MEIS2: variants seen among roughly 807,000 people sequenced by gnomAD.
MEIS2 encodes Meis homeobox 2.
MEIS2 carries 9 observed loss-of-function variants against 58.6 expected under a neutral mutation model. The observed-to-expected ratio is 0.15, with a 90% CI of 0.09 to 0.27. The LOEUF (loss-of-function observed/expected upper bound fraction) is 0.27, where lower values mean the gene tolerates loss of function less well. MEIS2 is among the 10% of genes least tolerant of loss of function. The probability of loss-of-function intolerance (pLI) is 1.00; values close to 1 mark genes in which losing one functional copy is unlikely to be tolerated. For missense variants in MEIS2, 427 were observed against 635.0 expected (o/e 0.67, Z 3.52); for synonymous variants, 221 against 228.4 (o/e 0.97, Z 0.29).
chr15:36,894,807 T>C lies in MEIS2; in HGVS notation c.1147+344A>G, dbSNP rs201131653. 2 of 1,611,402 alleles carry C rather than the reference T, an allele frequency of 1.2e-6. No individual in the cohort carries two copies. The highest frequency in any genetic ancestry group is 1.7e-6 in the Non-Finnish European group (2 of 1,177,614). ...CCCATATTCATGCCCATTCCACTCA[T>C]AGGTCCTAGAAAGGAGATAAAATCC... On this transcript the variant is annotated intron_variant, in intron 11 of 11. Transcript: ENST00000561208.
intron 9 of MEIS2, among the ~76,000 whole-genome samples, chr15:36,945,180 G>A (rs1324037081): frequency 6.6e-6 from 1 of 151,866 alleles, no homozygotes; most frequent in Admixed American, 6.6e-5. Flanking sequence ...ACTGACCAAG[G>A]CCTGAAACTG....
rs188692897 is a variant in MEIS2 at position 37,091,666 on chromosome 15, T to C, written c.639+1915A>G. ...TTAAATATTACAATAGTCTCATAAA[T>C]TGATATTGTCTATCAGCCAATACTT... On this transcript the variant is annotated intron_variant, in intron 6 of 11. Coordinates refer to ENST00000561208, the MANE Select transcript of MEIS2 (RefSeq NM_170675.5). Among the ~76,000 whole-genome samples the C allele has an allele frequency of 2.0e-5, 3 of 152,348 alleles. No homozygotes were observed. The East Asian group carries it at 5.8e-4, about 29-fold the overall frequency.
At chr15:36,951,012 C>T (rs2058732014) in intron 8 of MEIS2, among the ~76,000 whole-genome samples, 1 of 152,142 alleles carries the variant, frequency 6.6e-6, no homozygotes, top group Non-Finnish European at 1.5e-5. Context: ...ACTGCTCTAA[C>T]AGGGTCACAC....
chr15:37,057,528 A>G (rs1289397434), intron 7 of MEIS2, among the ~76,000 whole-genome samples: 2 of 151,934 alleles, frequency 1.3e-5, no homozygotes, highest in Non-Finnish European at 2.9e-5. Context: ...TACAAACTAC[A>G]TTTTTCCCCC....
intron 8 of MEIS2, among the ~76,000 whole-genome samples, chr15:36,958,088 AG>A: frequency 6.6e-6 from 1 of 152,314 alleles, no homozygotes; most frequent in Non-Finnish European, 1.5e-5. Context: ...TTTACATGGA[AG>A]TAAATAGATT....
At chr15:37,100,697 CTG>C (rs1364869010), upstream of MEIS2, among the ~76,000 whole-genome samples, 2 of 149,752 alleles carry the variant, frequency 1.3e-5, no homozygotes, top group Non-Finnish European at 1.5e-5. Flanking sequence ...GAGAGTGTGT[CTG>C]TGTGTGTGAG....
chr15:36,916,952 T>C (rs1416018864), intron 9 of MEIS2, among the ~76,000 whole-genome samples: 1 of 152,168 alleles, frequency 6.6e-6, no homozygotes, highest in East Asian at 1.9e-4. Flanking sequence ...TATGCCTAAA[T>C]TCACCAGTTA....
chr15:36,903,025 A>G (rs1015986946), intron 9 of MEIS2, among the ~76,000 whole-genome samples: 2 of 152,268 alleles, frequency 1.3e-5, no homozygotes, highest in East Asian at 3.9e-4. Flanking sequence ...GATCAAGAAA[A>G]TTTGTTATCT....
intron 9 of MEIS2, among the ~76,000 whole-genome samples, chr15:36,939,606 C>G (rs1291535633): frequency 6.6e-6 from 1 of 151,934 alleles, no homozygotes; most frequent in Non-Finnish European, 1.5e-5. Context: ...ATACCATCTC[C>G]ATGATGTGCC....
intron 8 of MEIS2, among the ~76,000 whole-genome samples, chr15:37,024,685 T>G (rs778616113): frequency 9.9e-5 from 15 of 152,236 alleles, no homozygotes; most frequent in Non-Finnish European, 1.9e-4. Context: ...AAAATTCCAC[T>G]TATCACTTGC....
At chr15:37,097,565 T>TA (rs1400900192) in intron 2 of MEIS2, among the ~76,000 whole-genome samples, 10 of 151,922 alleles carry the variant, frequency 6.6e-5, no homozygotes, top group African/African-American at 2.4e-4. Flanking sequence ...GAAAAAAAAG[T>TA]AAAAAATAAA....
intron 8 of MEIS2, among the ~76,000 whole-genome samples, chr15:36,991,108 T>C (rs2060257086): frequency 6.6e-6 from 1 of 152,166 alleles, no homozygotes; most frequent in Non-Finnish European, 1.5e-5. Context: ...CACTTTAAAG[T>C]ACAGAATTAG....
intron 9 of MEIS2, among the ~76,000 whole-genome samples, chr15:36,943,782 CA>C (rs1234659318): frequency 6.6e-6 from 1 of 152,086 alleles, no homozygotes; most frequent in African/African-American, 2.4e-5. Context: ...GGAAAAAGCA[CA>C]AAGGAGCTGG....
rs1484602420 is a variant in MEIS2, at chr15:36,889,431, G to A, written c.*2742C>T. On this transcript the variant is annotated 3_prime_UTR_variant, in exon 12 of 12. Coordinates refer to ENST00000561208, the MANE Select transcript of MEIS2 (RefSeq NM_170675.5). ...AATTGGACAAATCTATCACTTCTCTGTGTTATCATGGGGTTGGGGGTGGGG... is the reference window on the plus strand; with the variant it reads ...AATTGGACAAATCTATCACTTCTCTATGTTATCATGGGGTTGGGGGTGGGG... The A allele has an allele frequency of 1.3e-5, 2 of 152,010 alleles. No homozygotes were observed. Among genetic ancestry groups the A allele is most frequent in the Non-Finnish European group, 2.9e-5 (2 of 68,016 alleles). The allele number at this position is 152,010 out of a possible 1,614,324, so 9.4% of individuals were successfully genotyped here. A position where few individuals can be genotyped will look rare whatever the true frequency, so the allele number is the denominator to read the frequency against.
chr15:37,015,024 A>T (rs2061299387), intron 8 of MEIS2, among the ~76,000 whole-genome samples: 1 of 152,248 alleles, frequency 6.6e-6, no homozygotes, highest in Non-Finnish European at 1.5e-5. Flanking sequence ...TCAGAATTGC[A>T]CTGACATTGT....
chr15:37,099,248 GCACACACGCACGCA>G, intron 1 of MEIS2, 193 bp downstream of exon 1: 1 of 1,435,650 alleles, frequency 7.0e-7, no homozygotes, highest in East Asian at 2.5e-5. Flanking sequence ...GCCCAGACAC[GCACACACGCACGCA>G]CACACACTCG....
At chr15:36,956,293 A>G (rs1432345883) in intron 8 of MEIS2, among the ~76,000 whole-genome samples, 2 of 152,046 alleles carry the variant, frequency 1.3e-5, no homozygotes, top group Non-Finnish European at 2.9e-5. Flanking sequence ...GGCTTAAATA[A>G]TCTACATCAG....
At chr15:37,027,896 C>G (rs188217754) in intron 8 of MEIS2, among the ~76,000 whole-genome samples, 1 of 152,072 alleles carries the variant, frequency 6.6e-6, no homozygotes, top group East Asian at 1.9e-4. Flanking sequence ...CACCCCCTAC[C>G]GGAGTAGCAC....
intron 9 of MEIS2, among the ~76,000 whole-genome samples, chr15:36,925,187 A>G (rs533268844): frequency 2.0e-5 from 3 of 152,194 alleles, no homozygotes; most frequent in Non-Finnish European, 2.9e-5. Context: ...AAAAGTAAAA[A>G]AGGAGAAAAA....
Sources: allele counts gnomAD v4.1 joint callset (sites outside exome capture counted in the v4.1 genomes callset), GRCh38; gene constraint gnomAD v4.1.1; transcripts MANE v1.5; gene names NCBI Gene and HGNC (gene_info 2026-07-23, HGNC 2026-07-21).